The following ANKRD11 variants were observed in gnomAD, a reference collection of about 807,000 sequenced individuals.
The protein encoded by ANKRD11 is ankyrin repeat domain-containing protein 11.
A neutral mutation model predicts 195.7 loss-of-function variants in ANKRD11; 17 were observed. The observed-to-expected ratio is 0.09, with a 90% CI of 0.06 to 0.13. The LOEUF is 0.13. ANKRD11 is among the 10% of genes least tolerant of loss of function. The probability of loss-of-function intolerance (pLI) is 1.00; values close to 1 mark genes in which losing one functional copy is unlikely to be tolerated. For missense variants in ANKRD11, 3,735 were observed against 3,566.1 expected, an observed-to-expected ratio of 1.05 and a Z score of -1.21; for synonymous variants, 1,953 against 1,528.1, an observed-to-expected ratio of 1.28 and a Z score of -6.49.
chr16:89,488,200 G>C (rs757893595), intron 1 of ANKRD11, among the ~76,000 whole-genome samples: 1 of 152,144 alleles, frequency 6.6e-6, no homozygotes, highest in African/African-American at 2.4e-5. Context: ...ACTATCTTGT[G>C]GGGAACTTTT....
chr16:89,465,549 G>A (rs978111762), intron 1 of ANKRD11, among the ~76,000 whole-genome samples: 2 of 152,138 alleles, frequency 1.3e-5, no homozygotes, highest in Non-Finnish European at 1.5e-5. Flanking sequence ...CAGCTGCTCA[G>A]CAGGTGGGAA....
chr16:89,455,285 C>G (rs1395221166), intron 1 of ANKRD11, among the ~76,000 whole-genome samples: 56 of 112,756 alleles, frequency 5.0e-4, no homozygotes, highest in South Asian at 2.0e-3. Flanking sequence ...GTGCTTCTAG[C>G]GTTCCTCAAG....
intron 2 of ANKRD11, among the ~76,000 whole-genome samples, chr16:89,416,974 C>G (rs1378434460): frequency 6.6e-6 from 1 of 152,056 alleles, no homozygotes; most frequent in Non-Finnish European, 1.5e-5. Flanking sequence ...ACCTCCAGAT[C>G]TTGAAAAATG....
At chr16:89,286,213 G>C (rs1361667351) in intron 7 of ANKRD11, 27 bp from the exon 8 acceptor site, 1 of 1,609,748 alleles carries the variant, frequency 6.2e-7, no homozygotes, top group Non-Finnish European at 8.5e-7. Flanking sequence ...CCCGCGTCAG[G>C]GACTGCTGGA....
rs1204243331 is a variant in ANKRD11 at position 89,335,913 on chromosome 16, A to G, written c.-59-18835T>C. ...CACACGCCAGCAGCTGACTGGCCAG[A>G]CCCCTGCCTGTGCTGAGGCATCCGC... On this transcript the variant is annotated intron_variant, in intron 2 of 12. Coordinates refer to ENST00000301030, the MANE Select transcript of ANKRD11 (RefSeq NM_013275.6). 3.0e-4 allele frequency among the ~76,000 whole-genome samples: 45 copies of G among 152,072 alleles called. 1 individual carries two copies. The highest frequency in any genetic ancestry group is 4.4e-5 in the Non-Finnish European group (3 of 68,008).
chr16:89,291,140 G>C lies in ANKRD11; in HGVS notation c.270C>G (p.Val90=). The part of the protein sequence containing the change: ...PERKRIKKEP[V]TRKAGLLFGM... ...CAAACAGCAGCCCGGCCTTCCGGGT[G>C]ACAGGCTCCTTCTTAATCCTCTTCC... Residue 90 remains valine (V), a synonymous_variant, in exon 5 of 13, where the codon GTC becomes GTG. Coordinates refer to ENST00000301030, the MANE Select transcript of ANKRD11 (RefSeq NM_013275.6). This position sits in a 1 kb window ranked among gnomAD's most constrained non-coding sequence, Gnocchi z 5.3. 1 of 1,613,952 alleles carries C rather than the reference G, an allele frequency of 6.2e-7. No homozygotes were observed. The highest frequency in any genetic ancestry group is 1.1e-5 in the South Asian group (1 of 91,082).
chr16:89,425,912 TCCCAAA>T (rs2042698207), intron 1 of ANKRD11, among the ~76,000 whole-genome samples: 1 of 152,162 alleles, frequency 6.6e-6, no homozygotes. Context: ...AAATGAATGT[TCCCAAA>T]CAATTCTCTT....
chr16:89,482,272 C>T (rs1255473441), intron 1 of ANKRD11, among the ~76,000 whole-genome samples: 2 of 152,188 alleles, frequency 1.3e-5, no homozygotes, highest in Non-Finnish European at 2.9e-5. Flanking sequence ...GTCAGGTGAG[C>T]CACACGTCAG....
intron 4 of ANKRD11, among the ~76,000 whole-genome samples, chr16:89,303,806 G>C (rs1392381875): frequency 6.6e-6 from 1 of 152,184 alleles, no homozygotes; most frequent in South Asian, 2.1e-4. Context: ...CAAAAGCTGG[G>C]GTGTGGATCC....
chr16:89,279,602 C>T lies in ANKRD11; in HGVS notation c.6940G>A (p.Ala2314Thr). 1 of 1,444,022 alleles carries T rather than the reference C, an allele frequency of 6.9e-7. No homozygotes were observed. Among genetic ancestry groups the T allele is most frequent in the Non-Finnish European group, 9.1e-7 (1 of 1,100,674 alleles). The allele number at this position is 1,444,022 out of a possible 1,614,324, so 89.5% of individuals were successfully genotyped here. The stretch of plus-strand genomic sequence containing the variant: ...TCGGCCGTGGGTTTTGGTTCTGCGG[C>T]TTCCGGCTGGATGCCGCCAGGAGGG... ...EGPPGGIQPE[A>T]AEPKPTAEAP... is the part of the protein sequence containing the mutation. The change falls in exon 9 of 13, where the codon GCC becomes ACC. Residue 2314 changes from alanine (A) to threonine (T), a missense_variant. By Grantham distance (58) the Ala-to-Thr change is moderately conservative. Coordinates refer to ENST00000301030, the MANE Select transcript of ANKRD11 (RefSeq NM_013275.6). The surrounding 1 kb of genome is among the most constrained non-coding windows in gnomAD (Gnocchi z 5.6).
chr16:89,313,500 A>G (rs1338258224), intron 3 of ANKRD11: 1 of 1,289,124 alleles, frequency 7.8e-7, no homozygotes, highest in African/African-American at 1.5e-5. Context: ...CCGTCAGGTC[A>G]GCGCGGCATC....
intron 7 of ANKRD11, chr16:89,288,296 C>A (rs543389459): frequency 2.0e-5 from 14 of 690,778 alleles, no homozygotes; most frequent in South Asian, 1.6e-4. Flanking sequence ...CGGATACGAG[C>A]CTTTCATAGA....
At position 89,280,461 on chromosome 16, in the gene ANKRD11, CAGA is replaced by C; in HGVS notation, c.6078_6080del (p.Leu2027del). The C allele has an allele frequency of 6.3e-7, 1 of 1,594,972 alleles. No individual in the cohort carries two copies. The highest frequency in any genetic ancestry group is 8.6e-7 in the Non-Finnish European group (1 of 1,169,508). On this transcript the variant is annotated inframe_deletion, in exon 9 of 13. Coordinates refer to ENST00000301030, the MANE Select transcript of ANKRD11 (RefSeq NM_013275.6). ...CCTCCAGCCCCGGCTCAGCGACGGG[CAGA>C]GCGTACGGGGCAGGAGAGGCGGGAG...
intron 2 of ANKRD11, among the ~76,000 whole-genome samples, chr16:89,341,246 C>T (rs565702255): frequency 5.3e-5 from 8 of 152,182 alleles, no homozygotes; most frequent in South Asian, 2.1e-4. Flanking sequence ...CAAGCAGACC[C>T]GGTTTGGAAA....
chr16:89,311,679 TAA>T (rs2036615319), intron 3 of ANKRD11, among the ~76,000 whole-genome samples: 2 of 152,332 alleles, frequency 1.3e-5, no homozygotes, highest in African/African-American at 4.8e-5. Flanking sequence ...GATAGGATTT[TAA>T]AAGAGAGCAC....
At chr16:89,434,202 A>G (rs1274096038) in intron 1 of ANKRD11, among the ~76,000 whole-genome samples, 3 of 151,738 alleles carry the variant, frequency 2.0e-5, no homozygotes, top group Admixed American at 1.3e-4. Context: ...CCCTACACAC[A>G]CTCACCTCCT....
rs750614507 is a variant in ANKRD11 at position 89,285,164 on chromosome 16, T to C, written c.1378A>G (p.Lys460Glu). The C allele has an allele frequency of 2.5e-6, 4 of 1,613,386 alleles. No individual in the cohort carries two copies. The African/African-American group carries it at 5.3e-5, about 22-fold the overall frequency. Residue 460 changes from lysine (K) to glutamate (E), a missense_variant, in exon 9 of 13, where the codon AAA becomes GAA. By Grantham distance (56) the Lys-to-Glu change is moderately conservative (BLOSUM62 1). Transcript: ENST00000301030. The surrounding 1 kb of genome is among the most constrained non-coding windows in gnomAD (Gnocchi z 5.6). ...CGAACCTCTCTGCCTTTTGTTTCTT[T>C]CTTTCGCTTCTTTTTCACTTTATTT... ...EKNKVKKKRKKETKGREVRFG... is the reference protein window; with the variant it reads ...EKNKVKKKRKEETKGREVRFG...
At chr16:89,286,902 A>G in intron 7 of ANKRD11, 1 of 1,289,406 alleles carries the variant, frequency 7.8e-7, no homozygotes. Context: ...AGCGCATTCA[A>G]AGAATCTGTC....
intron 2 of ANKRD11, among the ~76,000 whole-genome samples, chr16:89,328,121 G>A (rs776698691): frequency 4.7e-5 from 7 of 149,300 alleles, no homozygotes; most frequent in African/African-American, 7.4e-5. Context: ...ATCCTAAGCC[G>A]TTAGGGAAAC....
Sources: allele counts gnomAD v4.1 joint callset (sites outside exome capture counted in the v4.1 genomes callset), GRCh38; gene constraint gnomAD v4.1.1; non-coding constraint Gnocchi (gnomAD v3.1); transcripts MANE v1.5; gene names NCBI Gene and HGNC (gene_info 2026-07-23, HGNC 2026-07-21).